Variants in METTL16 observed in about 807,000 individuals in gnomAD.
METTL16 encodes RNA N(6)-adenosine-methyltransferase METTL16.
Under a neutral mutation model 57.9 loss-of-function variants are expected in METTL16, and 19 were observed. The observed-to-expected ratio is 0.33, with a 90% CI of 0.23 to 0.48. The LOEUF is 0.48. Among genes scored for constraint, METTL16 ranks in the 20% least tolerant of loss-of-function variants. The probability of loss-of-function intolerance (pLI) is 0.99; values close to 1 mark genes in which losing one functional copy is unlikely to be tolerated. For missense variants in METTL16, 434 were observed against 691.5 expected (o/e 0.63, Z 4.18); for synonymous variants, 246 against 255.6 (o/e 0.96, Z 0.36).
intron 2 of METTL16, among the ~76,000 whole-genome samples, chr17:2,491,663 CAGG>C (rs1416352399): frequency 2.6e-5 from 4 of 151,774 alleles, no homozygotes; most frequent in Non-Finnish European, 5.9e-5. Flanking sequence ...ATCACGAGGT[CAGG>C]AGATGGAGAC....
intron 2 of METTL16, among the ~76,000 whole-genome samples, chr17:2,492,467 T>C (rs1413621162): frequency 7.9e-5 from 12 of 152,154 alleles, no homozygotes; most frequent in Non-Finnish European, 1.8e-4. Context: ...TATGAGCACC[T>C]ACCATGAACT....
chr17:2,490,188 C>T (rs898028059), intron 2 of METTL16, among the ~76,000 whole-genome samples: 3 of 143,186 alleles, frequency 2.1e-5, no homozygotes, highest in Admixed American at 2.0e-4. Context: ...TGGAGACTTC[C>T]TTCACCTCAC....
chr17:2,478,600 C>T (rs1014229357), intron 2 of METTL16, among the ~76,000 whole-genome samples: 1 of 152,290 alleles, frequency 6.6e-6, no homozygotes, highest in Non-Finnish European at 1.5e-5. Flanking sequence ...TTAGAACACT[C>T]CTATCACCCC....
At chr17:2,471,625 T>A (rs966669074) in intron 4 of METTL16, among the ~76,000 whole-genome samples, 1 of 151,812 alleles carries the variant, frequency 6.6e-6, no homozygotes, top group Non-Finnish European at 1.5e-5. Context: ...CCGTCTCTAC[T>A]GAAAATACAA....
chr17:2,497,304 CCTTT>C (rs1354040288), intron 2 of METTL16, among the ~76,000 whole-genome samples: 21 of 73,844 alleles, frequency 2.8e-4, no homozygotes, highest in Non-Finnish European at 4.8e-4. Flanking sequence ...CTGCACCCGG[CCTTT>C]TTTTTTTTTT....
chr17:2,467,718 G>T, intron 5 of METTL16, 43 bp downstream of exon 5: 1 of 1,499,202 alleles, frequency 6.7e-7, no homozygotes. Context: ...GAGCCACCGC[G>T]CCCAGCCTAT....
Position 2,511,790 on chromosome 17 carries a change from G to T in METTL16, c.-32C>A. ...GGCCGAGGTTCCTGCCAGACGTCGT[G>T]TCTGGCGTGGGCCTGTACAACCCTA... On this transcript the variant is annotated 5_prime_UTR_variant, in exon 1 of 10. Transcript: ENST00000263092. 1 of 398,642 alleles carries T rather than the reference G, an allele frequency of 2.5e-6. No homozygotes were observed. Among genetic ancestry groups the T allele is most frequent in the Non-Finnish European group, 4.4e-6 (1 of 226,082 alleles). The allele number at this position is 398,642 out of a possible 1,614,324, so 24.7% of individuals were successfully genotyped here.
chr17:2,471,528 G>A (rs894478895), intron 4 of METTL16, among the ~76,000 whole-genome samples: 3 of 152,068 alleles, frequency 2.0e-5, no homozygotes, highest in Non-Finnish European at 2.9e-5. Flanking sequence ...AGTGGCTCAC[G>A]CCTGTAATCC....
intron 2 of METTL16, among the ~76,000 whole-genome samples, chr17:2,497,828 G>A (rs541657771): frequency 8.6e-5 from 13 of 151,564 alleles, no homozygotes; most frequent in African/African-American, 2.9e-4. Flanking sequence ...CTGGGCTCAA[G>A]CAGTCCTCCT....
intron 2 of METTL16, among the ~76,000 whole-genome samples, chr17:2,495,529 T>C (rs1326551590): frequency 6.6e-6 from 1 of 151,458 alleles, no homozygotes; most frequent in Non-Finnish European, 1.5e-5. Context: ...ACACTGTCTC[T>C]ACTAAAAATA....
intron 1 of METTL16, among the ~76,000 whole-genome samples, chr17:2,506,800 G>A (rs1200471008): frequency 6.6e-6 from 1 of 150,994 alleles, no homozygotes; most frequent in Non-Finnish European, 1.5e-5. Context: ...TGGAAAGTGA[G>A]GAGCGTCTCT....
chr17:2,432,571 TA>T lies in METTL16; in HGVS notation c.888+5537del, dbSNP rs560803841. ...GCAACAGTGAGACCCAGTCTCAAAA[TA>T]AAAAAAAAAATTAAGCTTGGTGGAA... is the stretch of plus-strand genomic sequence containing the variant. On this transcript the variant is annotated intron_variant, in intron 8 of 9. Transcript: ENST00000263092. 4.8e-3 allele frequency among the ~76,000 whole-genome samples: 692 copies of T among 143,398 alleles called. 5 individuals carry two copies. Among genetic ancestry groups the T allele is most frequent in the Non-Finnish European group, 7.5e-3 (491 of 65,166 alleles). 94.1% of individuals were successfully genotyped at this position (143,398 alleles called of 152,430 possible).
chr17:2,492,068 G>C (rs376760932), intron 2 of METTL16, among the ~76,000 whole-genome samples: 1 of 147,644 alleles, frequency 6.8e-6, no homozygotes, highest in Non-Finnish European at 1.5e-5. Flanking sequence ...AAAATTAGCC[G>C]GGCGTGGTGG....
At chr17:2,448,805 A>AAAAAAAAAAAT (rs2067044571) in intron 6 of METTL16, among the ~76,000 whole-genome samples, 1 of 104,564 alleles carries the variant, frequency 9.6e-6, no homozygotes, top group Non-Finnish European at 2.0e-5. Context: ...TAAAATTTAA[A>AAAAAAAAAAAT]AAAAAAAAAA....
intron 2 of METTL16, among the ~76,000 whole-genome samples, chr17:2,492,727 T>TAAAAATA (rs1428157868): frequency 6.6e-6 from 1 of 151,374 alleles, no homozygotes; most frequent in Non-Finnish European, 1.5e-5. Context: ...CCGTCTCTAC[T>TAAAAATA]AAAAATAAAA....
chr17:2,429,820 T>C (rs541130753), intron 8 of METTL16, among the ~76,000 whole-genome samples: 3 of 152,160 alleles, frequency 2.0e-5, no homozygotes, highest in East Asian at 1.9e-4. Context: ...TGCTTCTTTT[T>C]TTTTTTCTGA....
chr17:2,489,515 C>T (rs564568295), intron 2 of METTL16, among the ~76,000 whole-genome samples: 3 of 151,838 alleles, frequency 2.0e-5, no homozygotes, highest in African/African-American at 4.8e-5. Context: ...ATTAGCCGAG[C>T]GTGGTGGCAG....
chr17:2,475,867 C>T (rs1274102910), intron 3 of METTL16, among the ~76,000 whole-genome samples: 3 of 152,180 alleles, frequency 2.0e-5, no homozygotes, highest in Non-Finnish European at 4.4e-5. Context: ...CCTCCTCTAT[C>T]CCCAAGTGCT....
chr17:2,420,525 C>T lies in METTL16; in HGVS notation c.1134G>A (p.Trp378Ter). Residue 378 changes from tryptophan (W) to a stop codon, truncating the protein, a stop_gained, in exon 10 of 10, where the codon TGG (tryptophan) becomes TGA (stop). Coordinates refer to ENST00000263092, the MANE Select transcript of METTL16 (RefSeq NM_024086.4). LOFTEE classifies it high-confidence loss of function. This position sits in a 1 kb window ranked among gnomAD's most constrained non-coding sequence, Gnocchi z 5.4. ...CTCTTTTCTTTCTCCTTAAATGAATCCAGGAGTTTTCTATGGCCGTTAGGA... is the reference window on the plus strand; with the variant it reads ...CTCTTTTCTTTCTCCTTAAATGAATTCAGGAGTTTTCTATGGCCGTTAGGA... ...SLFLTAIENS[W>*]IHLRRKKRER... 1 of 1,613,880 alleles carries T rather than the reference C, an allele frequency of 6.2e-7. No homozygotes were observed. The highest frequency in any genetic ancestry group is 1.1e-5 in the South Asian group (1 of 91,086).
Sources: allele counts gnomAD v4.1 joint callset (sites outside exome capture counted in the v4.1 genomes callset), GRCh38; gene constraint gnomAD v4.1.1; non-coding constraint Gnocchi (gnomAD v3.1); transcripts MANE v1.5; gene names NCBI Gene and HGNC (gene_info 2026-07-23, HGNC 2026-07-21).